Variants in TIAM1 observed in about 807,000 individuals in gnomAD.
TIAM1 encodes the protein TIAM Rac1 associated GEF 1, also known as rho guanine nucleotide exchange factor TIAM1.
In TIAM1, 65 loss-of-function variants were observed where a neutral mutation model predicts 163.5. That is an observed-to-expected ratio of 0.40 (90% CI 0.33 to 0.49). TIAM1 has a LOEUF of 0.49. Ranked by LOEUF, TIAM1 falls within the 20% of genes least tolerant of loss-of-function variation. TIAM1 has a pLI of 0.77. For synonymous variants in TIAM1, 833 were observed against 810.1 expected, an observed-to-expected ratio of 1.03 and a Z score of -0.48; for missense variants, 1,789 against 2,044.7, an observed-to-expected ratio of 0.87 and a Z score of 2.41.
Position 31,266,953 on chromosome 21 carries a change from T to C in TIAM1, c.20A>G (p.Gln7Arg), listed in dbSNP as rs1569136129. The change falls in exon 4 of 28, where the codon CAA becomes CGA. Residue 7 changes from glutamine (Q) to arginine (R), a missense_variant. Gln to Arg is a conservative substitution (Grantham distance 43, BLOSUM62 1). Transcript: ENST00000541036. The part of the protein sequence containing the change: MGNAES[Q>R]HVEHEFYGEK... Reference sequence around the variant, plus strand: ...TCCATAAAACTCGTGCTCTACATGTTGACTTTCTGCGTTTCCCATGGTTTT... The same window carrying C: ...TCCATAAAACTCGTGCTCTACATGTCGACTTTCTGCGTTTCCCATGGTTTT... 2 of 1,605,750 alleles carry C rather than the reference T, an allele frequency of 1.2e-6. No homozygotes were observed. Among genetic ancestry groups the C allele is most frequent in the Non-Finnish European group, 8.5e-7 (1 of 1,174,000 alleles).
At chr21:31,152,492 A>G in intron 19 of TIAM1, 144 bp downstream of exon 19, 1 of 1,144,800 alleles carries the variant, frequency 8.7e-7, no homozygotes, top group South Asian at 1.6e-5. Context: ...CAGACCAGCA[A>G]GACACACTCC....
intron 1 of TIAM1, among the ~76,000 whole-genome samples, chr21:31,524,596 T>C (rs554932755): frequency 1.3e-5 from 2 of 152,276 alleles, no homozygotes; most frequent in African/African-American, 2.4e-5. Flanking sequence ...AGCTTTGAAA[T>C]AGAAAAATGG....
intron 1 of TIAM1, among the ~76,000 whole-genome samples, chr21:31,470,674 A>C (rs533109142): frequency 1.9e-4 from 29 of 152,338 alleles, no homozygotes; most frequent in African/African-American, 6.5e-4. Context: ...GTATGTGTGC[A>C]TTTTTCTGAA....
intron 12 of TIAM1, among the ~76,000 whole-genome samples, chr21:31,197,760 G>C (rs2085953548): frequency 6.6e-6 from 1 of 152,134 alleles, no homozygotes; most frequent in Non-Finnish European, 1.5e-5. Flanking sequence ...CTAACTCCAT[G>C]AGACAAGCGT....
At chr21:31,363,508 C>T (rs901344277) in intron 2 of TIAM1, among the ~76,000 whole-genome samples, 6 of 152,082 alleles carry the variant, frequency 3.9e-5, no homozygotes, top group African/African-American at 1.2e-4. Flanking sequence ...CACAACACTC[C>T]TCCATACCAC....
chr21:31,193,651 CGAG>C (rs960874728), intron 13 of TIAM1, among the ~76,000 whole-genome samples: 29 of 152,054 alleles, frequency 1.9e-4, no homozygotes, highest in Non-Finnish European at 4.0e-4. Flanking sequence ...AGGCAGAGAG[CGAG>C]GAGAAGAAAA....
At chr21:31,183,812 A>C (rs1051500668) in intron 14 of TIAM1, among the ~76,000 whole-genome samples, 1 of 149,140 alleles carries the variant, frequency 6.7e-6, no homozygotes, top group Non-Finnish European at 1.5e-5. Context: ...CTCCTGCCTC[A>C]GCCTCCCAAG....
chr21:31,128,390 G>C (rs1289015942), intron 25 of TIAM1, among the ~76,000 whole-genome samples: 1 of 152,136 alleles, frequency 6.6e-6, no homozygotes. Flanking sequence ...AGTGAGAATG[G>C]AATGTCGTAT....
intron 14 of TIAM1, among the ~76,000 whole-genome samples, chr21:31,186,544 G>T (rs1234979709): frequency 6.6e-6 from 1 of 152,156 alleles, no homozygotes; most frequent in South Asian, 2.1e-4. Flanking sequence ...GGCTGAGACA[G>T]GAGGATCGCT....
chr21:31,501,785 TAG>T (rs2046859833), intron 1 of TIAM1, among the ~76,000 whole-genome samples: 1 of 152,188 alleles, frequency 6.6e-6, no homozygotes, highest in Non-Finnish European at 1.5e-5. Flanking sequence ...GTATTTTTAG[TAG>T]AGACGGAGTT....
chr21:31,120,875 A>C lies in TIAM1; in HGVS notation c.4307-38T>G, dbSNP rs2081977513. The C allele has an allele frequency of 2.6e-6, 4 of 1,523,942 alleles. No individual in the cohort carries two copies. Among genetic ancestry groups the C allele is most frequent in the South Asian group, 1.3e-5 (1 of 77,926 alleles). 94.4% of individuals were successfully genotyped at this position (1,523,942 alleles called of 1,614,324 possible). On this transcript the variant is annotated intron_variant, in intron 27 of 27. Coordinates refer to ENST00000541036, the MANE Select transcript of TIAM1 (RefSeq NM_001353694.2). This position sits in a 1 kb window ranked among gnomAD's most constrained non-coding sequence, Gnocchi z 4.2. ...ACAAAAATATAAAAATAAAACCCCC[A>C]CATGCTTTACGTGAGATGAAAATCC...
intron 2 of TIAM1, among the ~76,000 whole-genome samples, chr21:31,305,393 A>G (rs1382320146): frequency 6.6e-6 from 1 of 151,350 alleles, no homozygotes; most frequent in Non-Finnish European, 1.5e-5. Flanking sequence ...TTAGGGAAGG[A>G]GCGATGGGCA....
chr21:31,347,673 C>A (rs896093593), upstream of TIAM1, among the ~76,000 whole-genome samples: 2 of 152,224 alleles, frequency 1.3e-5, no homozygotes, highest in South Asian at 2.1e-4. Context: ...TCGGGATGAA[C>A]CTGGGAATGA....
chr21:31,251,673 T>C, intron 5 of TIAM1, 69 bp downstream of exon 5: 1 of 1,459,170 alleles, frequency 6.9e-7, no homozygotes, highest in Non-Finnish European at 9.2e-7. Flanking sequence ...ACCCATCCCG[T>C]GAGTATGTGC....
intron 2 of TIAM1, among the ~76,000 whole-genome samples, chr21:31,389,355 C>T (rs983623172): frequency 1.4e-4 from 21 of 152,128 alleles, no homozygotes; most frequent in Admixed American, 2.6e-4. Flanking sequence ...ATTACAGGTG[C>T]CTTCCACCAC....
chr21:31,484,399 C>A (rs539095395), intron 1 of TIAM1, among the ~76,000 whole-genome samples: 1 of 152,324 alleles, frequency 6.6e-6, no homozygotes, highest in African/African-American at 2.4e-5. Flanking sequence ...TACGTCAACA[C>A]CTGCTGGTTG....
At position 31,288,503 on chromosome 21, in the gene TIAM1, G is replaced by A. The variant is rs541495912; in HGVS notation, c.-188-11595C>T. On this transcript the variant is annotated intron_variant, in intron 2 of 27. Coordinates refer to ENST00000541036, the MANE Select transcript of TIAM1 (RefSeq NM_001353694.2). ...CTTCAAGTCTCTTTCATAAGGGCAC[G>A]AATCCCATTTATGAGGGCAGAGCAC... Among the ~76,000 whole-genome samples, 605 of 152,136 alleles carry A rather than the reference G, an allele frequency of 4.0e-3. 4 individuals carry two copies. Among genetic ancestry groups the A allele is most frequent in the Non-Finnish European group, 7.2e-3 (490 of 68,002 alleles).
intron 2 of TIAM1, among the ~76,000 whole-genome samples, chr21:31,372,888 T>A (rs1309441191): frequency 6.6e-6 from 1 of 151,840 alleles, no homozygotes; most frequent in Non-Finnish European, 1.5e-5. Flanking sequence ...AAACCCCATC[T>A]CTACTAAAAA....
intron 1 of TIAM1, among the ~76,000 whole-genome samples, chr21:31,531,726 T>G (rs1434883612): frequency 1.4e-5 from 2 of 146,046 alleles, no homozygotes; most frequent in Non-Finnish European, 3.0e-5. Flanking sequence ...ACCACTAAAC[T>G]GAATATCCAT....
Sources: allele counts gnomAD v4.1 joint callset (sites outside exome capture counted in the v4.1 genomes callset), GRCh38; gene constraint gnomAD v4.1.1; non-coding constraint Gnocchi (gnomAD v3.1); transcripts MANE v1.5; gene names NCBI Gene and HGNC (gene_info 2026-07-23, HGNC 2026-07-21).